DLGAP2: variants seen among roughly 807,000 people sequenced by gnomAD.
DLGAP2 encodes the protein DLG associated protein 2, also known as disks large-associated protein 2.
DLGAP2 carries 26 observed loss-of-function variants against 100.3 expected under a neutral mutation model. That is an observed-to-expected ratio of 0.26 (90% CI 0.19 to 0.36). The LOEUF (loss-of-function observed/expected upper bound fraction) is 0.36. DLGAP2 is among the 10% of genes least tolerant of loss of function. The pLI, the probability that DLGAP2 is intolerant of heterozygous loss-of-function variation, is 1.00. For missense variants in DLGAP2, 1,858 were observed against 1,453.2 expected (o/e 1.28, Z -4.53); for synonymous variants, 886 against 630.1 (o/e 1.41, Z -6.08).
intron 3 of DLGAP2, among the ~76,000 whole-genome samples, chr8:1,260,145 C>T (rs1421168602): frequency 1.3e-5 from 2 of 152,072 alleles, no homozygotes; most frequent in African/African-American, 4.8e-5. Context: ...CAGGTCCTTT[C>T]CCCTGGAGAC....
rs139609680 is a variant in DLGAP2, at chr8:1,246,572, C to T, written c.74-12279C>T. On this transcript the variant is annotated intron_variant, in intron 2 of 14. Transcript: ENST00000637795. ...TAAATACTGGGTTTTTACTGAGATG[C>T]ACAATGCTTAAGATACTACTAGGAA... Among the ~76,000 whole-genome samples the T allele has an allele frequency of 7.2e-3, 1,094 of 152,354 alleles. 14 individuals carry two copies. The highest frequency in any genetic ancestry group is 0.025 in the African/African-American group (1,035 of 41,586).
chr8:1,177,131 C>G (rs1199869424), intron 2 of DLGAP2, among the ~76,000 whole-genome samples: 1 of 152,150 alleles, frequency 6.6e-6, no homozygotes, highest in Non-Finnish European at 1.5e-5. Flanking sequence ...AAGTCCCAGC[C>G]TTCGAGTGGA....
In DLGAP2 at chr8:1,338,778, G is replaced by A. The variant is rs1320077778; in HGVS notation, c.106+79895G>A. ...GGTACGCACCCTGTGGAGACTGAAC[G>A]GGAAGTACCATGGTGTCAGGACCTG... is the stretch of plus-strand genomic sequence containing the variant. On this transcript the variant is annotated intron_variant, in intron 3 of 14. Coordinates refer to ENST00000637795, the MANE Select transcript of DLGAP2 (RefSeq NM_001346810.2). Among the ~76,000 whole-genome samples, 7 of 149,396 alleles carry A rather than the reference G, an allele frequency of 4.7e-5. 1 individual carries two copies. The highest frequency in any genetic ancestry group is 8.9e-5 in the Non-Finnish European group (6 of 67,534).
chr8:1,584,469 A>C (rs1382130083), intron 6 of DLGAP2, among the ~76,000 whole-genome samples: 2 of 152,154 alleles, frequency 1.3e-5, no homozygotes, highest in African/African-American at 4.8e-5. Context: ...CCTCTCTCAC[A>C]GTCTCCTCCA....
chr8:1,162,725 C>A (rs78752200), intron 2 of DLGAP2, among the ~76,000 whole-genome samples: 1 of 152,190 alleles, frequency 6.6e-6, no homozygotes, highest in African/African-American at 2.4e-5. Context: ...CAGGGAGTGA[C>A]TGGGAAGATT....
intron 2 of DLGAP2, among the ~76,000 whole-genome samples, chr8:1,234,006 G>C (rs1464242264): frequency 6.6e-6 from 1 of 152,198 alleles, no homozygotes; most frequent in African/African-American, 2.4e-5. Flanking sequence ...CATGGTGACT[G>C]ATCTGTTGGT....
chr8:1,071,681 C>T (rs1206170991), intron 2 of DLGAP2, among the ~76,000 whole-genome samples: 1 of 152,114 alleles, frequency 6.6e-6, no homozygotes, highest in Non-Finnish European at 1.5e-5. Context: ...GAATATTGTA[C>T]AACTTGTTAG....
At chr8:1,340,532 C>T (rs1236857056) in intron 3 of DLGAP2, among the ~76,000 whole-genome samples, 3 of 152,202 alleles carry the variant, frequency 2.0e-5, no homozygotes, top group Admixed American at 6.5e-5. Context: ...CATGAGATGC[C>T]GTCTCACAGC....
chr8:1,155,900 GGCCA>G (rs1219263156), intron 2 of DLGAP2, among the ~76,000 whole-genome samples: 1 of 152,188 alleles, frequency 6.6e-6, no homozygotes, highest in African/African-American at 2.4e-5. Context: ...CGGCGGGGGA[GGCCA>G]GTATGCAGAG....
intron 2 of DLGAP2, among the ~76,000 whole-genome samples, chr8:1,228,362 G>A (rs908645801): frequency 5.3e-5 from 8 of 152,174 alleles, no homozygotes; most frequent in African/African-American, 1.9e-4. Flanking sequence ...TGGTCTCACT[G>A]GTGAATTCTG....
At chr8:1,480,362 C>T (rs1799057723) in intron 3 of DLGAP2, among the ~76,000 whole-genome samples, 1 of 152,166 alleles carries the variant, frequency 6.6e-6, no homozygotes, top group Non-Finnish European at 1.5e-5. Flanking sequence ...CTGACTCTGT[C>T]TTTCTTCCTA....
At chr8:1,487,014 G>A (rs992541639) in intron 3 of DLGAP2, among the ~76,000 whole-genome samples, 3 of 152,218 alleles carry the variant, frequency 2.0e-5, no homozygotes, top group Non-Finnish European at 1.5e-5. Flanking sequence ...TCTTGGTGAA[G>A]TTTCAGGTCA....
At chr8:1,146,236 A>G (rs549087284) in intron 2 of DLGAP2, among the ~76,000 whole-genome samples, 2 of 152,262 alleles carry the variant, frequency 1.3e-5, no homozygotes, top group Non-Finnish European at 1.5e-5. Context: ...ATGCTCGGTC[A>G]CCTCGAACGT....
intron 5 of DLGAP2, among the ~76,000 whole-genome samples, chr8:1,562,732 G>GC (rs2130564594): frequency 3.4e-5 from 1 of 29,356 alleles, no homozygotes; most frequent in Non-Finnish European, 6.3e-5. Flanking sequence ...CCTCGTTACT[G>GC]GGGGACTGTG....
chr8:804,847 C>T (rs1796237722), intron 1 of DLGAP2, among the ~76,000 whole-genome samples: 1 of 152,136 alleles, frequency 6.6e-6, no homozygotes, highest in African/African-American at 2.4e-5. Context: ...CTCACTGCAG[C>T]CTCGGCCTCC....
At chr8:1,188,163 C>T (rs1237349857) in intron 2 of DLGAP2, among the ~76,000 whole-genome samples, 1 of 132,386 alleles carries the variant, frequency 7.6e-6, no homozygotes, top group African/African-American at 3.5e-5. Context: ...GTGACGTTTC[C>T]CTCACGGAAT....
chr8:1,287,633 AGTGTGT>A (rs782499346), intron 3 of DLGAP2, among the ~76,000 whole-genome samples: 736 of 69,604 alleles, frequency 0.011, 32 homozygotes, highest in African/African-American at 0.023. Context: ...GTTTCGGTTG[AGTGTGT>A]GTGTGTGTGT....
intron 3 of DLGAP2, among the ~76,000 whole-genome samples, chr8:1,454,528 C>G (rs543479768): frequency 3.9e-5 from 6 of 152,296 alleles, no homozygotes; most frequent in African/African-American, 7.2e-5. Context: ...GCAGAAAACA[C>G]TGCTTCCTCC....
intron 12 of DLGAP2, among the ~76,000 whole-genome samples, chr8:1,690,085 G>C (rs907986924): frequency 2.0e-5 from 3 of 152,150 alleles, no homozygotes; most frequent in East Asian, 1.9e-4. Context: ...GGCCGGGTGC[G>C]GTGGCTCACG....
Sources: gnomAD v4.1 joint callset for allele counts (sites outside exome capture counted in the v4.1 genomes callset) on GRCh38, gnomAD v4.1.1 for gene constraint, MANE v1.5 for transcripts, NCBI Gene and HGNC (gene_info 2026-07-23, HGNC 2026-07-21) for gene names.